The following LRRK1 variants were observed in gnomAD, a reference collection of about 807,000 sequenced individuals.
LRRK1 encodes leucine rich repeat kinase 1, also known as leucine-rich repeat serine/threonine-protein kinase 1.
LRRK1 carries 113 observed loss-of-function variants against 209.1 expected under a neutral mutation model. The ratio of observed to expected loss-of-function variants is 0.54; its 90% CI spans 0.46 to 0.63. LRRK1 has a LOEUF of 0.63. Ranked by LOEUF, LRRK1 falls within the 30% of genes least tolerant of loss-of-function variation. LRRK1 has a pLI of 0.00. For synonymous variants in LRRK1, 1,144 were observed against 1,099.7 expected, an observed-to-expected ratio of 1.04 and a Z score of -0.80; for missense variants, 2,284 against 2,632.2, an observed-to-expected ratio of 0.87 and a Z score of 2.89.
rs751775138 is a variant in LRRK1 at position 101,051,669 on chromosome 15, C to T, written c.3440-42C>T. On this transcript the variant is annotated intron_variant, in intron 23 of 33. Transcript: ENST00000388948. The stretch of plus-strand genomic sequence containing the variant: ...GTGCTGCTCGGGGGGCCCTCCTGCA[C>T]CACCTTCTTGTGAAGCTGTCTCCTG... 1.9e-6 allele frequency: 3 copies of T among 1,596,790 alleles called. No homozygotes were observed. The South Asian group carries it at 3.4e-5, about 18-fold the overall frequency.
chr15:101,028,272 C>T (rs1340769661), intron 19 of LRRK1, among the ~76,000 whole-genome samples: 1 of 152,176 alleles, frequency 6.6e-6, no homozygotes, highest in Non-Finnish European at 1.5e-5. Context: ...TGTGTTGCTG[C>T]GTAAAGATGC....
rs142950530 is a variant in LRRK1 at position 101,011,380 on chromosome 15, G to A, written c.1281+543G>A. Among the ~76,000 whole-genome samples, 485 of 151,708 alleles carry A rather than the reference G, an allele frequency of 3.2e-3. 2 individuals are homozygous for A. Among genetic ancestry groups the A allele is most frequent in the Middle Eastern group, 0.031 (9 of 294 alleles). On this transcript the variant is annotated intron_variant, in intron 9 of 33. Transcript: ENST00000388948. ...AGTCCCAGCTACGCAGGAGGCTGAGGCCAGGGAATTGCTTTTACCGGGGAG... is the reference window on the plus strand; with the variant it reads ...AGTCCCAGCTACGCAGGAGGCTGAGACCAGGGAATTGCTTTTACCGGGGAG...
At chr15:101,040,935 G>C (rs903534483) in intron 20 of LRRK1, among the ~76,000 whole-genome samples, 2 of 152,160 alleles carry the variant, frequency 1.3e-5, no homozygotes, top group Admixed American at 1.3e-4. Flanking sequence ...TAAACAACGT[G>C]TTCAAATCTT....
At chr15:100,987,405 A>T (rs2031932489) in intron 4 of LRRK1, among the ~76,000 whole-genome samples, 1 of 152,132 alleles carries the variant, frequency 6.6e-6, no homozygotes. Context: ...CACTATTTTG[A>T]ACTTGAAGAT....
intron 2 of LRRK1, among the ~76,000 whole-genome samples, chr15:100,951,020 G>A (rs941873818): frequency 1.2e-4 from 19 of 152,284 alleles, no homozygotes; most frequent in South Asian, 4.1e-4. Flanking sequence ...GGAGAATGGC[G>A]TGAACCCGGG....
At chr15:100,923,881 T>G (rs1375668977) in intron 1 of LRRK1, among the ~76,000 whole-genome samples, 1 of 152,224 alleles carries the variant, frequency 6.6e-6, no homozygotes, top group Admixed American at 6.5e-5. Flanking sequence ...TCTCCAGACA[T>G]TGCCAAATGT....
intron 22 of LRRK1, 73 bp from the exon 23 acceptor site, chr15:101,049,571 G>A: frequency 6.4e-7 from 1 of 1,552,586 alleles, no homozygotes; most frequent in Non-Finnish European, 8.7e-7. Context: ...TCCTGTCCCT[G>A]GGGGTAGGGA....
At chr15:101,008,180 G>C (rs1382340284) in intron 6 of LRRK1, among the ~76,000 whole-genome samples, 1 of 143,094 alleles carries the variant, frequency 7.0e-6, no homozygotes, top group Non-Finnish European at 1.5e-5. Flanking sequence ...AAAAAAAGAG[G>C]CTGGCCTCCT....
intron 27 of LRRK1, 69 bp downstream of exon 27, chr15:101,055,292 C>A: frequency 7.1e-7 from 1 of 1,403,602 alleles, no homozygotes; most frequent in South Asian, 1.7e-5. Context: ...GCCGGGCAGT[C>A]CTGGAGGCAC....
chr15:100,936,367 T>A (rs1480318299), intron 2 of LRRK1, among the ~76,000 whole-genome samples: 1 of 152,196 alleles, frequency 6.6e-6, no homozygotes, highest in Non-Finnish European at 1.5e-5. Context: ...ATACATGGTA[T>A]CATTTCTGCC....
intron 4 of LRRK1, 125 bp from the exon 5 acceptor site, chr15:100,988,509 T>A (rs919537292): frequency 9.3e-6 from 8 of 856,248 alleles, no homozygotes; most frequent in Non-Finnish European, 1.4e-5. Context: ...TAGTATTCCA[T>A]GGTGCAAATG....
chr15:100,941,482 G>C (rs1412453022), intron 2 of LRRK1, among the ~76,000 whole-genome samples: 8 of 147,750 alleles, frequency 5.4e-5, no homozygotes, highest in Non-Finnish European at 9.0e-5. Flanking sequence ...GTGTGTGTGT[G>C]TGTGTGTGTG....
chr15:100,940,425 C>A (rs1350626588), intron 2 of LRRK1, among the ~76,000 whole-genome samples: 1 of 152,128 alleles, frequency 6.6e-6, no homozygotes, highest in African/African-American at 2.4e-5. Context: ...CAAAAAATAT[C>A]TTCAATGTCT....
chr15:101,057,932 C>T (rs1310986989), intron 28 of LRRK1, 58 bp from the exon 29 acceptor site: 53 of 1,584,946 alleles, frequency 3.3e-5, no homozygotes, highest in East Asian at 1.1e-4. Flanking sequence ...ATGGGCAGAA[C>T]GGGCACCAAT....
intron 6 of LRRK1, among the ~76,000 whole-genome samples, chr15:101,005,030 G>A (rs1183540321): frequency 1.3e-5 from 2 of 152,022 alleles, no homozygotes; most frequent in Admixed American, 6.5e-5. Context: ...ATTTCAGTTT[G>A]GGTACCAACC....
At chr15:101,068,227 T>A (rs1442425474) in intron 33 of LRRK1, among the ~76,000 whole-genome samples, 1 of 152,232 alleles carries the variant, frequency 6.6e-6, no homozygotes, top group Non-Finnish European at 1.5e-5. Flanking sequence ...TATATGATCC[T>A]GTATTTCCTA....
chr15:100,922,475 G>A (rs1258674176), intron 1 of LRRK1, among the ~76,000 whole-genome samples: 1 of 152,072 alleles, frequency 6.6e-6, no homozygotes, highest in Middle Eastern at 3.4e-3. Flanking sequence ...ACATTGTATG[G>A]TAAGACACTT....
intron 6 of LRRK1, among the ~76,000 whole-genome samples, chr15:100,990,394 T>A (rs1443801554): frequency 2.0e-5 from 3 of 152,158 alleles, no homozygotes; most frequent in Non-Finnish European, 4.4e-5. Context: ...TTTGCTTATG[T>A]AGAGCACAGT....
At chr15:101,049,238 G>A (rs917452627) in intron 22 of LRRK1, among the ~76,000 whole-genome samples, 5 of 152,246 alleles carry the variant, frequency 3.3e-5, no homozygotes, top group African/African-American at 1.2e-4. Flanking sequence ...TGTGAGAGGA[G>A]AAGAAGGGAA....
Sources: allele counts gnomAD v4.1 joint callset (sites outside exome capture counted in the v4.1 genomes callset), GRCh38; gene constraint gnomAD v4.1.1; transcripts MANE v1.5; gene names NCBI Gene and HGNC (gene_info 2026-07-23, HGNC 2026-07-21).